Variants in SMIM27 observed in about 807,000 individuals in gnomAD.
SMIM27 encodes TOPORS antisense RNA 1 (non-protein coding).
SMIM27 carries 3 observed loss-of-function variants against 1.8 expected under a neutral mutation model. The observed-to-expected ratio is 1.65, with a 90% CI of 0.75 to 4.28. The LOEUF is 4.28. Among genes scored for constraint, SMIM27 ranks in the 30% most tolerant of loss-of-function variants. The pLI is 0.02. For synonymous variants in SMIM27, 19 were observed against 13.9 expected, an observed-to-expected ratio of 1.37 and a Z score of -0.82; for missense variants, 63 against 37.0, an observed-to-expected ratio of 1.70 and a Z score of -1.83.
chr9:32,551,254 C>T (rs537990651), upstream of SMIM27: 4 of 571,964 alleles, frequency 7.0e-6, no homozygotes, highest in East Asian at 8.9e-5. Flanking sequence ...ACCCGGAAAA[C>T]ACGAGAACTA....
chr9:32,555,632 T>G (rs1397993167), downstream of SMIM27, among the ~76,000 whole-genome samples: 1 of 152,210 alleles, frequency 6.6e-6, no homozygotes, highest in Non-Finnish European at 1.5e-5. Flanking sequence ...ACCAAACATA[T>G]AGTTTACAGA....
At position 32,552,411 on chromosome 9, in the gene SMIM27, G is replaced by C. The variant is rs958455677; in HGVS notation, c.-24G>C. 2.5e-6 allele frequency: 4 copies of C among 1,608,770 alleles called. No homozygotes were observed. In the African/African-American group the frequency reaches 4.0e-5, roughly 16 times the overall value. ...AGGCCCGCAGCTCCCGCCAGCTCCC[G>C]CGGACTGCTGCCGCCTCCTTACCAT... On this transcript the variant is annotated 5_prime_UTR_variant, in exon 1 of 2. Transcript: ENST00000692500.
At chr9:32,562,841 T>A (rs1391725251) in intron 1 of SMIM27, among the ~76,000 whole-genome samples, 1 of 152,238 alleles carries the variant, frequency 6.6e-6, no homozygotes, top group Non-Finnish European at 1.5e-5. Flanking sequence ...CTCCATTGAC[T>A]GTGCAGGCTC....
downstream of SMIM27, chr9:32,553,121 A>T: frequency 2.1e-6 from 1 of 478,184 alleles, no homozygotes; most frequent in African/African-American, 2.3e-5. Context: ...CCTAAATCTG[A>T]CAGTCTTGAG....
Position 32,552,374 on chromosome 9 carries a change from GAGGTTACTGTA to G in SMIM27, c.-57_-47del. 1 of 1,600,036 alleles carries G rather than the reference GAGGTTACTGTA, an allele frequency of 6.2e-7. No individual in the cohort carries two copies. Among genetic ancestry groups the G allele is most frequent in the Non-Finnish European group, 8.5e-7 (1 of 1,173,528 alleles). On this transcript the variant is annotated 5_prime_UTR_variant, in exon 1 of 2. The change abolishes the stop of an existing upstream ORF in the 5' untranslated region. Transcript: ENST00000692500. ...CTGGCGCCTGGCAGCCACCGCCTGG[GAGGTTACTGTA>G]AGGCCCGCAGCTCCCGCCAGCTCCC...
intron 1 of SMIM27, chr9:32,566,196 T>A: frequency 2.6e-6 from 2 of 764,388 alleles, no homozygotes; most frequent in South Asian, 2.9e-5. Context: ...TTGTCTGGGG[T>A]TTGTAGATTC....
chr9:32,552,778 C>G (rs1362718482), intron 1 of SMIM27, 23 bp from the exon 2 acceptor site: 1 of 698,288 alleles, frequency 1.4e-6, no homozygotes, highest in African/African-American at 1.8e-5. Context: ...GATTTCACAC[C>G]TCCTTTGCGA....
At chr9:32,558,940 G>A (rs554168020) in intron 1 of SMIM27, 5 of 1,582,790 alleles carry the variant, frequency 3.2e-6, no homozygotes, top group African/African-American at 1.3e-5. Flanking sequence ...TTTCAACTAT[G>A]CCATATGGTT....
At chr9:32,551,169 G>A (rs376302243), upstream of SMIM27, 102 of 657,342 alleles carry the variant, frequency 1.6e-4, no homozygotes, top group East Asian at 2.1e-3. Context: ...CCCGGAGGAG[G>A]GCAGCGCGAC....
chr9:32,563,208 A>G (rs949140674), intron 1 of SMIM27, among the ~76,000 whole-genome samples: 1 of 152,246 alleles, frequency 6.6e-6, no homozygotes, highest in Non-Finnish European at 1.5e-5. Context: ...ATGTTAATTT[A>G]GACCCCTTGA....
intron 1 of SMIM27, among the ~76,000 whole-genome samples, chr9:32,564,033 T>A (rs1821706267): frequency 6.6e-6 from 1 of 152,230 alleles, no homozygotes; most frequent in Non-Finnish European, 1.5e-5. Context: ...CATAACTGTA[T>A]TTAGAAAATA....
At chr9:32,553,982 A>G (rs1687696951), downstream of SMIM27, 1 of 1,329,372 alleles carries the variant, frequency 7.5e-7, no homozygotes, top group South Asian at 1.2e-5. Flanking sequence ...AAAAATCTTA[A>G]GTCTACAGAG....
At chr9:32,551,360 C>G (rs142515696), upstream of SMIM27, 242 of 351,816 alleles carry the variant, frequency 6.9e-4, 1 homozygote, top group African/African-American at 4.7e-3. Context: ...CTTGAAGTCT[C>G]TCACCTCCTG....
At chr9:32,556,443 C>T (rs1205519654), downstream of SMIM27, among the ~76,000 whole-genome samples, 3 of 152,216 alleles carry the variant, frequency 2.0e-5, no homozygotes, top group African/African-American at 7.2e-5. Flanking sequence ...ACCTGATTCA[C>T]AGTAGTCTGT....
chr9:32,551,184 C>T (rs886319814), upstream of SMIM27: 18 of 628,048 alleles, frequency 2.9e-5, no homozygotes, highest in Non-Finnish European at 4.8e-5. Flanking sequence ...CGCGACCCTC[C>T]CCATCTTGTT....
chr9:32,557,768 C>T (rs1038516876), downstream of SMIM27, among the ~76,000 whole-genome samples: 4 of 152,054 alleles, frequency 2.6e-5, no homozygotes, highest in Admixed American at 1.3e-4. Flanking sequence ...TGAGCCACCG[C>T]GCCTGGCCCC....
At chr9:32,563,491 C>CTTTTTTTTTTTTTTTTTTTTTTTTTTTT (rs111646430) in intron 1 of SMIM27, among the ~76,000 whole-genome samples, 1 of 92,002 alleles carries the variant, frequency 1.1e-5, no homozygotes, top group Admixed American at 1.1e-4. Flanking sequence ...GACTATTGGG[C>CTTTTTTTTTTTTTTTTTTTTTTTTTTTT]TTTTTTTTTT....
downstream of SMIM27, chr9:32,553,903 C>T (rs1167290576): frequency 2.5e-6 from 4 of 1,598,490 alleles, no homozygotes; most frequent in Non-Finnish European, 1.7e-6. Flanking sequence ...GAAATTCTTT[C>T]ATTGGTGGAA....
chr9:32,552,279 C>CG, upstream of SMIM27: 1 of 1,066,824 alleles, frequency 9.4e-7, no homozygotes, highest in African/African-American at 1.6e-5. Flanking sequence ...CAACTCCGGG[C>CG]GGAAGAGGCC....
Sources: allele counts gnomAD v4.1 joint callset (sites outside exome capture counted in the v4.1 genomes callset), GRCh38; gene constraint gnomAD v4.1.1; transcripts MANE v1.5; gene names NCBI Gene and HGNC (gene_info 2026-07-23, HGNC 2026-07-21).